The following PLEKHS1 variants were observed in gnomAD, a reference collection of about 807,000 sequenced individuals.
The protein encoded by PLEKHS1 is pleckstrin homology domain-containing family S member 1.
In PLEKHS1, 55 loss-of-function variants were observed where a neutral mutation model predicts 51.0. The ratio of observed to expected loss-of-function variants is 1.08; its 90% CI spans 0.87 to 1.35. The LOEUF (loss-of-function observed/expected upper bound fraction) is 1.35, where lower values mean the gene tolerates loss of function less well. Ranked by LOEUF, PLEKHS1 falls within the 40% of genes most tolerant of loss-of-function variation. The pLI, the probability that PLEKHS1 is intolerant of heterozygous loss-of-function variation, is 0.00. For synonymous variants in PLEKHS1, 153 were observed against 144.8 expected, an observed-to-expected ratio of 1.06 and a Z score of -0.41; for missense variants, 398 against 423.0, an observed-to-expected ratio of 0.94 and a Z score of 0.52.
intron 2 of PLEKHS1, among the ~76,000 whole-genome samples, chr10:113,758,432 T>C (rs1843770577): frequency 6.6e-6 from 1 of 151,582 alleles, no homozygotes; most frequent in Non-Finnish European, 1.5e-5. Context: ...GAAAGGAATC[T>C]TTTTTTTTCT....
At chr10:113,769,135 A>G (rs1844290584) in intron 6 of PLEKHS1, among the ~76,000 whole-genome samples, 1 of 152,238 alleles carries the variant, frequency 6.6e-6, no homozygotes, top group Admixed American at 6.5e-5. Flanking sequence ...AGAAAAGTTA[A>G]CTGTGACATT....
intron 11 of PLEKHS1, among the ~76,000 whole-genome samples, chr10:113,779,210 G>A (rs777202970): frequency 6.6e-6 from 1 of 152,136 alleles, no homozygotes; most frequent in Non-Finnish European, 1.5e-5. Flanking sequence ...ACTGCATGGT[G>A]GAAAAGAAGT....
intron 3 of PLEKHS1, 29 bp from the exon 4 acceptor site, chr10:113,766,582 AC>A: frequency 1.3e-6 from 2 of 1,591,434 alleles, no homozygotes; most frequent in Non-Finnish European, 8.6e-7. Flanking sequence ...CTGAGATTTA[AC>A]TAAGACATAA....
intron 8 of PLEKHS1, among the ~76,000 whole-genome samples, 171 bp downstream of exon 8, chr10:113,772,260 C>G (rs551716330): frequency 6.6e-6 from 1 of 152,132 alleles, no homozygotes. Flanking sequence ...AGCTGTAATA[C>G]AAGACAGAGG....
At chr10:113,766,817 G>T in intron 4 of PLEKHS1, 99 bp downstream of exon 4, 2 of 887,270 alleles carry the variant, frequency 2.3e-6, no homozygotes, top group Non-Finnish European at 1.7e-6. Context: ...TTGACCAAAG[G>T]AACCTGCTTC....
intron 2 of PLEKHS1, among the ~76,000 whole-genome samples, chr10:113,762,171 C>G (rs1300010369): frequency 6.6e-6 from 1 of 151,890 alleles, no homozygotes; most frequent in Admixed American, 6.6e-5. Flanking sequence ...CTCTCTCCTC[C>G]TAATATTGGC....
intron 2 of PLEKHS1, among the ~76,000 whole-genome samples, chr10:113,758,229 G>A (rs914124791): frequency 7.2e-5 from 11 of 152,102 alleles, no homozygotes; most frequent in African/African-American, 2.4e-4. Context: ...GAGGAATCAC[G>A]ATCTACAACA....
chr10:113,778,663 A>ATTT (rs1844772618), intron 11 of PLEKHS1, among the ~76,000 whole-genome samples: 1 of 27,710 alleles, frequency 3.6e-5, no homozygotes, highest in African/African-American at 5.7e-5. Context: ...TTTTTTTTTG[A>ATTT]GACGGAGTCT....
At chr10:113,768,486 T>C (rs1363103249) in intron 5 of PLEKHS1, among the ~76,000 whole-genome samples, 1 of 152,206 alleles carries the variant, frequency 6.6e-6, no homozygotes, top group African/African-American at 2.4e-5. Context: ...CCTGCATAGT[T>C]ACACAAAAAT....
chr10:113,773,446 A>AAATC (rs1455727431), intron 8 of PLEKHS1, among the ~76,000 whole-genome samples: 1 of 152,148 alleles, frequency 6.6e-6, no homozygotes, highest in East Asian at 1.9e-4. Flanking sequence ...ATAAATAAAT[A>AAATC]AGTAAAAAAA....
intron 2 of PLEKHS1, among the ~76,000 whole-genome samples, chr10:113,759,880 C>T (rs1383083749): frequency 6.6e-6 from 1 of 152,134 alleles, no homozygotes; most frequent in Non-Finnish European, 1.5e-5. Context: ...GTATAATTGA[C>T]ATACAGTAGG....
intron 2 of PLEKHS1, among the ~76,000 whole-genome samples, chr10:113,764,300 A>G (rs1428171226): frequency 6.6e-6 from 1 of 152,094 alleles, no homozygotes; most frequent in East Asian, 1.9e-4. Context: ...GGGTTTCACC[A>G]TGTTGGGCAA....
intron 6 of PLEKHS1, 29 bp from the exon 7 acceptor site, chr10:113,769,755 C>T: frequency 1.4e-6 from 2 of 1,429,784 alleles, no homozygotes; most frequent in Non-Finnish European, 2.0e-6. Flanking sequence ...ATCAACTGTG[C>T]CCTGACTGAT....
chr10:113,769,153 A>G (rs1844291073), intron 6 of PLEKHS1, among the ~76,000 whole-genome samples: 2 of 152,250 alleles, frequency 1.3e-5, no homozygotes, highest in Non-Finnish European at 2.9e-5. Context: ...ATTTTTAAGT[A>G]GTAGCTAGAA....
chr10:113,770,928 C>A (rs1456746403), intron 7 of PLEKHS1, among the ~76,000 whole-genome samples: 1 of 152,174 alleles, frequency 6.6e-6, no homozygotes, highest in South Asian at 2.1e-4. Context: ...TGCCTTTACC[C>A]CCAACTCAGC....
At chr10:113,780,739 TC>T (rs1290750232) in exon 12 of PLEKHS1, 32 of 1,592,264 alleles carry the variant, frequency 2.0e-5, no homozygotes, top group Non-Finnish European at 2.6e-5. Context: ...CCAAGAGGAG[TC>T]CGGCCATTAA....
At chr10:113,765,501 G>A (rs1844121727) in intron 2 of PLEKHS1, 1 of 726,710 alleles carries the variant, frequency 1.4e-6, no homozygotes, top group Admixed American at 1.9e-5. Flanking sequence ...ACTTGAGGGA[G>A]ACAGTATATA....
At chr10:113,753,533 C>T (rs1017751368) in intron 1 of PLEKHS1, among the ~76,000 whole-genome samples, 34 of 152,200 alleles carry the variant, frequency 2.2e-4, no homozygotes, top group African/African-American at 7.2e-4. Flanking sequence ...CTACAGCAGG[C>T]GAGGGCTAAG....
intron 7 of PLEKHS1, chr10:113,771,206 A>T (rs1844389430): frequency 6.6e-6 from 1 of 152,250 alleles, no homozygotes. Context: ...ACACAACCAA[A>T]TTCCATTGCT....
Sources: gnomAD v4.1 joint callset for allele counts (sites outside exome capture counted in the v4.1 genomes callset) on GRCh38, gnomAD v4.1.1 for gene constraint, MANE v1.5 for transcripts, NCBI Gene and HGNC (gene_info 2026-07-23, HGNC 2026-07-21) for gene names.